POLR3B: variants seen among roughly 807,000 people sequenced by gnomAD.
POLR3B encodes RNA polymerase III subunit B, also known as DNA-directed RNA polymerase III subunit RPC2.
POLR3B carries 96 observed loss-of-function variants against 147.4 expected under a neutral mutation model. The observed-to-expected ratio is 0.65, with a 90% CI of 0.55 to 0.77. POLR3B has a LOEUF of 0.77. Ranked by LOEUF, POLR3B falls within the 30% of genes least tolerant of loss-of-function variation. POLR3B has a pLI of 0.00. For synonymous variants in POLR3B, 461 were observed against 485.9 expected, an observed-to-expected ratio of 0.95 and a Z score of 0.67; for missense variants, 1,036 against 1,413.5, an observed-to-expected ratio of 0.73 and a Z score of 4.28.
chr12:106,468,047 C>T (rs903459830), intron 23 of POLR3B, among the ~76,000 whole-genome samples: 1 of 152,152 alleles, frequency 6.6e-6, no homozygotes, highest in East Asian at 1.9e-4. Flanking sequence ...CTCTTTGTAC[C>T]TCTGGTAGAA....
chr12:106,464,233 T>G (rs1001092488), intron 23 of POLR3B, among the ~76,000 whole-genome samples: 13 of 152,180 alleles, frequency 8.5e-5, no homozygotes, highest in African/African-American at 3.1e-4. Context: ...TTTCATCTAT[T>G]TGTAGTTTTG....
chr12:106,361,350 G>A (rs1365161696), intron 1 of POLR3B, among the ~76,000 whole-genome samples: 1 of 152,126 alleles, frequency 6.6e-6, no homozygotes, highest in African/African-American at 2.4e-5. Context: ...GGACTCCCGG[G>A]TATCTAATTT....
At chr12:106,490,535 A>T (rs1273062767) in intron 23 of POLR3B, among the ~76,000 whole-genome samples, 2 of 152,228 alleles carry the variant, frequency 1.3e-5, no homozygotes, top group Admixed American at 6.5e-5. Context: ...AATTAAAATT[A>T]TGTCAACCGG....
At chr12:106,413,364 C>T (rs1223047482) in intron 12 of POLR3B, among the ~76,000 whole-genome samples, 1 of 152,084 alleles carries the variant, frequency 6.6e-6, no homozygotes, top group African/African-American at 2.4e-5. Context: ...TTTATTATCT[C>T]CCATCATTTA....
chr12:106,359,331 A>ACTT (rs769223075), intron 1 of POLR3B, among the ~76,000 whole-genome samples: 1 of 134,908 alleles, frequency 7.4e-6, no homozygotes, highest in Non-Finnish European at 1.6e-5. Flanking sequence ...AGGCAAAACT[A>ACTT]TTTTTTTTTT....
intron 9 of POLR3B, among the ~76,000 whole-genome samples, chr12:106,391,391 T>G (rs114452409): frequency 0.028 from 4,203 of 152,254 alleles, 98 homozygotes; most frequent in African/African-American, 0.059. Flanking sequence ...GCATTGAGCT[T>G]AGCCTGCACT....
intron 10 of POLR3B, among the ~76,000 whole-genome samples, chr12:106,403,034 G>C (rs1195765417): frequency 6.6e-6 from 1 of 150,844 alleles, no homozygotes; most frequent in East Asian, 1.9e-4. Flanking sequence ...CCTACAGAAT[G>C]GGAGAAAATT....
At position 106,447,625 on chromosome 12, in the gene POLR3B, G is replaced by A. The variant is rs755378296; in HGVS notation, c.2083+3035G>A. Among the ~76,000 whole-genome samples the A allele has an allele frequency of 4.7e-4, 71 of 152,230 alleles. 1 individual carries two copies. The highest frequency in any genetic ancestry group is 7.8e-4 in the Non-Finnish European group (53 of 68,016). On this transcript the variant is annotated intron_variant, in intron 19 of 27. Coordinates refer to ENST00000228347, the MANE Select transcript of POLR3B (RefSeq NM_018082.6). ...GAGCCGCATTTTGTGTCCTCTCATC[G>A]GCACCCGATGCCAAGTTCACATGAG...
chr12:106,367,299 T>A (rs1182682247), intron 4 of POLR3B, among the ~76,000 whole-genome samples: 1 of 152,248 alleles, frequency 6.6e-6, no homozygotes, highest in Non-Finnish European at 1.5e-5. Context: ...CAAAGAATTC[T>A]TCAATATTTT....
Position 106,506,545 on chromosome 12 carries a change from A to C in POLR3B, c.3272+2291A>C, listed in dbSNP as rs115209246. ...AAGCAGCGATTGATCCTTCAGCATT[A>C]TTCTGCTAAATGTATATCTTCTTTC... On this transcript the variant is annotated intron_variant, in intron 27 of 27. Coordinates refer to ENST00000228347, the MANE Select transcript of POLR3B (RefSeq NM_018082.6). 1.0e-3 allele frequency among the ~76,000 whole-genome samples: 158 copies of C among 152,344 alleles called. 1 individual carries two copies. Among genetic ancestry groups the C allele is most frequent in the African/African-American group, 3.6e-3 (151 of 41,570 alleles).
At chr12:106,432,049 C>T (rs1367544529) in intron 14 of POLR3B, among the ~76,000 whole-genome samples, 2 of 151,842 alleles carry the variant, frequency 1.3e-5, no homozygotes, top group Admixed American at 6.6e-5. Context: ...TTTATGATGT[C>T]GTCAGCATTT....
rs1216248493 is a variant in POLR3B at position 106,437,120 on chromosome 12, C to T, written c.1845C>T (p.Ala615=). The change falls in exon 17 of 28, where the codon GCC becomes GCT. Residue 615 remains alanine, a synonymous_variant. Transcript: ENST00000228347. ...AVTNKHMEEL[A]QGYRNFEDFL... is the part of the protein sequence containing the mutation. The stretch of plus-strand genomic sequence containing the variant: ...CAAATAAACATATGGAAGAGCTGGC[C>T]CAAGGGTACAGGTAAGTAGCCAAAA... 5.6e-6 allele frequency: 9 copies of T among 1,612,310 alleles called. No individual in the cohort carries two copies. Among genetic ancestry groups the T allele is most frequent in the Non-Finnish European group, 6.8e-6 (8 of 1,178,934 alleles).
chr12:106,437,152 C>G (rs779003359), intron 17 of POLR3B, 21 bp downstream of exon 17: 15 of 1,496,062 alleles, frequency 1.0e-5, no homozygotes, highest in Admixed American at 1.7e-5. Flanking sequence ...AAAAGTAAAA[C>G]TTACCAATCT....
At chr12:106,393,333 G>C (rs930817712) in intron 10 of POLR3B, among the ~76,000 whole-genome samples, 180 bp downstream of exon 10, 1 of 152,138 alleles carries the variant, frequency 6.6e-6, no homozygotes, top group Non-Finnish European at 1.5e-5. Context: ...GAAGGAGTTT[G>C]CCCAGACAAA....
At chr12:106,449,681 C>A (rs2137022817) in intron 19 of POLR3B, among the ~76,000 whole-genome samples, 1 of 152,212 alleles carries the variant, frequency 6.6e-6, no homozygotes, top group Non-Finnish European at 1.5e-5. Flanking sequence ...TCCTCGTCAT[C>A]TTCACACTGA....
At chr12:106,437,415 A>C (rs751808364) in intron 17 of POLR3B, among the ~76,000 whole-genome samples, 23 of 152,140 alleles carry the variant, frequency 1.5e-4, no homozygotes, top group Non-Finnish European at 2.5e-4. Flanking sequence ...TCTCATTATG[A>C]GGTTTCTAAG....
chr12:106,358,027 G>C (rs61943670), intron 1 of POLR3B, 76 bp downstream of exon 1: 2 of 1,578,650 alleles, frequency 1.3e-6, no homozygotes, highest in Non-Finnish European at 1.7e-6. Context: ...TGCTCGGGCC[G>C]CCAAGGGGGC....
At chr12:106,358,029 C>T (rs998742944) in intron 1 of POLR3B, 78 bp downstream of exon 1, 3 of 1,577,730 alleles carry the variant, frequency 1.9e-6, no homozygotes, top group African/African-American at 2.7e-5. Flanking sequence ...CTCGGGCCGC[C>T]AAGGGGGCGG....
intron 20 of POLR3B, among the ~76,000 whole-genome samples, chr12:106,456,775 G>T (rs1267129249): frequency 1.3e-5 from 2 of 152,168 alleles, no homozygotes; most frequent in African/African-American, 4.8e-5. Context: ...GGTTAAGCAG[G>T]TGATTTCTAA....
Sources: gnomAD v4.1 joint callset for allele counts (sites outside exome capture counted in the v4.1 genomes callset) on GRCh38, gnomAD v4.1.1 for gene constraint, MANE v1.5 for transcripts, NCBI Gene and HGNC (gene_info 2026-07-23, HGNC 2026-07-21) for gene names.